BRD1: variants seen among roughly 807,000 people sequenced by gnomAD.
The protein encoded by BRD1 is bromodomain containing 1, also known as bromodomain-containing protein 1.
A neutral mutation model predicts 107.7 loss-of-function variants in BRD1; 24 were observed. The observed-to-expected ratio is 0.22, with a 90% CI of 0.16 to 0.31. The LOEUF (loss-of-function observed/expected upper bound fraction) is 0.31, where lower values mean the gene tolerates loss of function less well. Among genes scored for constraint, BRD1 ranks in the 10% least tolerant of loss-of-function variants. BRD1 has a pLI of 1.00. For synonymous variants in BRD1, 744 were observed against 686.1 expected, an observed-to-expected ratio of 1.08 and a Z score of -1.32; for missense variants, 1,279 against 1,638.6, an observed-to-expected ratio of 0.78 and a Z score of 3.79.
chr22:49,827,100 A>C (rs2060155087), intron 1 of BRD1, among the ~76,000 whole-genome samples: 1 of 151,384 alleles, frequency 6.6e-6, no homozygotes, highest in Non-Finnish European at 1.5e-5. Context: ...TCTGTTACAT[A>C]AGGGGCGGCC....
At chr22:49,808,995 C>T (rs1390345555) in intron 2 of BRD1, among the ~76,000 whole-genome samples, 2 of 151,814 alleles carry the variant, frequency 1.3e-5, no homozygotes, top group Non-Finnish European at 2.9e-5. Context: ...GGCACACGCC[C>T]GTAATCCTAG....
intron 6 of BRD1, among the ~76,000 whole-genome samples, chr22:49,794,852 C>T (rs928033654): frequency 6.6e-6 from 1 of 152,178 alleles, no homozygotes; most frequent in South Asian, 2.1e-4. Context: ...GAATTTCAGA[C>T]GTATTTACTA....
chr22:49,810,528 A>T (rs2059830358), intron 2 of BRD1, among the ~76,000 whole-genome samples: 1 of 152,242 alleles, frequency 6.6e-6, no homozygotes, highest in South Asian at 2.1e-4. Context: ...ACACTGAATA[A>T]AACAATAAGA....
intron 3 of BRD1, 150 bp from the exon 4 acceptor site, chr22:49,799,269 G>A (rs1157904163): frequency 2.0e-6 from 2 of 1,004,132 alleles, no homozygotes; most frequent in Non-Finnish European, 2.9e-6. Flanking sequence ...CCTCACTAGA[G>A]AGCCCCAGGA....
intron 2 of BRD1, among the ~76,000 whole-genome samples, chr22:49,822,344 G>C (rs914126017): frequency 6.6e-6 from 1 of 150,788 alleles, no homozygotes; most frequent in East Asian, 1.9e-4. Context: ...AGAATTGCTG[G>C]AACCTGGCAG....
chr22:49,824,455 A>G lies in BRD1; in HGVS notation c.-14-124T>C. On this transcript the variant is annotated intron_variant, in intron 1 of 12. Coordinates refer to ENST00000404760, the MANE Select transcript of BRD1 (RefSeq NM_001304808.3). This position sits in a 1 kb window ranked among gnomAD's most constrained non-coding sequence, Gnocchi z 5.9. Reference sequence around the variant, plus strand: ...AAAGCCCAATCAAAGCAAAACTCACAGCTAACCTCTTTCCAAGGTGTCCAA... The same window carrying G: ...AAAGCCCAATCAAAGCAAAACTCACGGCTAACCTCTTTCCAAGGTGTCCAA... The G allele has an allele frequency of 2.7e-6, 4 of 1,461,380 alleles. No individual in the cohort carries two copies. The Admixed American group carries it at 1.0e-4, about 38-fold the overall frequency. 90.5% of individuals were successfully genotyped at this position (1,461,380 alleles called of 1,614,324 possible).
chr22:49,793,928 T>C, intron 7 of BRD1, 106 bp downstream of exon 7: 1 of 1,458,374 alleles, frequency 6.9e-7, no homozygotes, highest in Non-Finnish European at 9.2e-7. Flanking sequence ...AACCTGAGCC[T>C]CCGTGCACAC....
At chr22:49,818,058 T>C (rs1218029077) in intron 2 of BRD1, among the ~76,000 whole-genome samples, 2 of 152,268 alleles carry the variant, frequency 1.3e-5, no homozygotes, top group African/African-American at 4.8e-5. Flanking sequence ...TATTTTCACC[T>C]GAGTGATGCT....
chr22:49,785,916 G>T (rs998210362), intron 8 of BRD1, among the ~76,000 whole-genome samples: 5 of 152,190 alleles, frequency 3.3e-5, no homozygotes, highest in Admixed American at 2.6e-4. Context: ...GGACGCTTCA[G>T]GCCAGAGACC....
intron 8 of BRD1, among the ~76,000 whole-genome samples, chr22:49,778,621 T>C (rs890613412): frequency 1.2e-4 from 19 of 152,292 alleles, no homozygotes; most frequent in Non-Finnish European, 2.9e-5. Flanking sequence ...ATGATGTTCC[T>C]GCTGGGGGCC....
In BRD1 at chr22:49,803,471, G is replaced by A. The variant is rs1054545047; in HGVS notation, c.1524+733C>T. ...GCGTGGGCAGAGGGCGCTGGCCGCAGGTCCTGGGCCGTGTGCAGAGCTGCT... is the reference window on the plus strand; with the variant it reads ...GCGTGGGCAGAGGGCGCTGGCCGCAAGTCCTGGGCCGTGTGCAGAGCTGCT... On this transcript the variant is annotated intron_variant, in intron 3 of 12. Transcript: ENST00000404760. This position sits in a 1 kb window ranked among gnomAD's most constrained non-coding sequence, Gnocchi z 4.4. Among the ~76,000 whole-genome samples, 12 of 152,244 alleles carry A rather than the reference G, an allele frequency of 7.9e-5. No individual in the cohort carries two copies. The highest frequency in any genetic ancestry group is 1.6e-4 in the Non-Finnish European group (11 of 68,044).
chr22:49,777,015 G>A lies in BRD1; in HGVS notation c.3121+19C>T. On this transcript the variant is annotated intron_variant, in intron 10 of 12. Transcript: ENST00000404760. ...CCAGGAGGTGTGGAGAGCCATGGAG[G>A]CAGGTCCGGGCGACTCACCGGCTGC... 6.2e-7 allele frequency: 1 copy of A among 1,612,716 alleles called. No individual in the cohort carries two copies. The highest frequency in any genetic ancestry group is 8.5e-7 in the Non-Finnish European group (1 of 1,179,934).
At chr22:49,790,777 C>T (rs1429311460) in intron 7 of BRD1, among the ~76,000 whole-genome samples, 4 of 152,214 alleles carry the variant, frequency 2.6e-5, no homozygotes, top group Admixed American at 1.3e-4. Flanking sequence ...GACAAAGCTG[C>T]GTACTCCGCA....
At position 49,817,595 on chromosome 22, in the gene BRD1, C is replaced by T. The variant is rs557370565; in HGVS notation, c.1367+5356G>A. The T allele has an allele frequency of 3.0e-4, 63 of 212,428 alleles. No individual in the cohort carries two copies. The South Asian group carries it at 3.9e-3, about 13-fold the overall frequency. The allele number at this position is 212,428 out of a possible 1,614,324, so 13.2% of individuals were successfully genotyped here. A position where few individuals can be genotyped will look rare whatever the true frequency, so the allele number is the denominator to read the frequency against. Reference sequence around the variant, plus strand: ...TCTGTTCACCTCCATCCAACCACATCGCTCTGCACACCAGGCACCATCTCT... The same window carrying T: ...TCTGTTCACCTCCATCCAACCACATTGCTCTGCACACCAGGCACCATCTCT... On this transcript the variant is annotated intron_variant, in intron 2 of 12. Coordinates refer to ENST00000404760, the MANE Select transcript of BRD1 (RefSeq NM_001304808.3).
At chr22:49,816,133 C>A (rs952354632) in intron 2 of BRD1, among the ~76,000 whole-genome samples, 1 of 152,150 alleles carries the variant, frequency 6.6e-6, no homozygotes, top group African/African-American at 2.4e-5. Context: ...ATGCCAGATA[C>A]AAACTTTTAT....
intron 8 of BRD1, among the ~76,000 whole-genome samples, chr22:49,786,345 A>G (rs1034001548): frequency 6.6e-6 from 1 of 152,188 alleles, no homozygotes; most frequent in African/African-American, 2.4e-5. Context: ...CAAACTCCTC[A>G]GCTTCCTCTG....
At position 49,798,539 on chromosome 22, in the gene BRD1, GAGCGCCGCAA is replaced by G; in HGVS notation, c.1785+9_1785+18del. ...CAGTCACACATGCGGCAGGACAGACGAGCGCCGCAAACACCCACCTCCTTCAGACTCACGG... is the reference window on the plus strand; with the variant it reads ...CAGTCACACATGCGGCAGGACAGACGACACCCACCTCCTTCAGACTCACGG... On this transcript the variant is annotated intron_variant, in intron 5 of 12. Coordinates refer to ENST00000404760, the MANE Select transcript of BRD1 (RefSeq NM_001304808.3). The G allele has an allele frequency of 3.1e-6, 5 of 1,614,050 alleles. No individual in the cohort carries two copies. The highest frequency in any genetic ancestry group is 4.2e-6 in the Non-Finnish European group (5 of 1,180,028).
intron 8 of BRD1, among the ~76,000 whole-genome samples, chr22:49,780,198 C>A (rs1235744717): frequency 6.6e-6 from 1 of 152,182 alleles, no homozygotes; most frequent in Admixed American, 6.5e-5. Context: ...CCAAGCCATG[C>A]ACAGACCACT....
rs936978360 is a variant in BRD1, at chr22:49,777,156, T to C, written c.2999A>G (p.Asn1000Ser). 6.2e-7 allele frequency: 1 copy of C among 1,612,840 alleles called. No individual in the cohort carries two copies. Among genetic ancestry groups the C allele is most frequent in the African/African-American group, 1.3e-5 (1 of 74,944 alleles). ...SNSPLCDSSF[N>S]APKCGRGKPA... ...TTTGCCCCGCCCACATTTGGGCGCA[T>C]TAAAGCTTCGGGAGGAAGAGCAGAG... Residue 1000 changes from asparagine to serine, a missense_variant, in exon 10 of 13, where the codon AAT (asparagine) becomes AGT (serine). Asn to Ser is a conservative substitution (Grantham distance 46). This residue lies in a region of BRD1 where 263 missense variants were observed against 251.6 expected (regional missense o/e 1.05). Transcript: ENST00000404760.
Sources: gnomAD v4.1 joint callset for allele counts (sites outside exome capture counted in the v4.1 genomes callset) on GRCh38, gnomAD v4.1.1 for gene constraint, gnomAD v4.1.1 regional missense constraint, Gnocchi (gnomAD v3.1) non-coding constraint, MANE v1.5 for transcripts, NCBI Gene and HGNC (gene_info 2026-07-23, HGNC 2026-07-21) for gene names.